UBE3D: variants seen among roughly 807,000 people sequenced by gnomAD.
The protein encoded by UBE3D is E3 ubiquitin-protein ligase E3D.
Under a neutral mutation model 49.6 loss-of-function variants are expected in UBE3D, and 48 were observed. The ratio of observed to expected loss-of-function variants is 0.97; its 90% CI spans 0.77 to 1.23. The LOEUF (loss-of-function observed/expected upper bound fraction) is 1.23. Ranked by LOEUF, UBE3D falls within the 50% of genes most tolerant of loss-of-function variation. The probability of loss-of-function intolerance (pLI) is 0.00; values close to 1 mark genes in which losing one functional copy is unlikely to be tolerated. For missense variants in UBE3D, 452 were observed against 468.4 expected, an observed-to-expected ratio of 0.96 and a Z score of 0.32; for synonymous variants, 189 against 174.2, an observed-to-expected ratio of 1.08 and a Z score of -0.67.
chr6:82,936,401 A>G (rs1468423043), intron 9 of UBE3D, among the ~76,000 whole-genome samples: 1 of 152,190 alleles, frequency 6.6e-6, no homozygotes, highest in East Asian at 1.9e-4. Flanking sequence ...GCCTTTACAA[A>G]TGATTTTCAA....
chr6:83,032,845 C>A (rs567046931), intron 5 of UBE3D, among the ~76,000 whole-genome samples: 216 of 152,268 alleles, frequency 1.4e-3, no homozygotes, highest in Non-Finnish European at 2.7e-3. Flanking sequence ...AGTTCCCCTG[C>A]ACATGCTCTG....
At chr6:83,030,573 A>G (rs1162232421) in intron 5 of UBE3D, among the ~76,000 whole-genome samples, 3 of 152,194 alleles carry the variant, frequency 2.0e-5, no homozygotes, top group African/African-American at 7.2e-5. Context: ...CTTTATTAGC[A>G]GCATGAGAAC....
rs184887614 is a variant in UBE3D at position 82,897,934 on chromosome 6, T to G, written c.1150-4892A>C. 6.3e-3 allele frequency among the ~76,000 whole-genome samples: 961 copies of G among 152,330 alleles called. 10 individuals carry two copies. The highest frequency in any genetic ancestry group is 0.022 in the African/African-American group (923 of 41,564). ...AGAAAATTTTTGCAATCTATCCATC[T>G]GACAAAGGACTAATATCCAGAATCT... On this transcript the variant is annotated intron_variant, in intron 9 of 9. Coordinates refer to ENST00000369747, the MANE Select transcript of UBE3D (RefSeq NM_198920.3).
intron 8 of UBE3D, among the ~76,000 whole-genome samples, chr6:82,976,693 C>T (rs1777740818): frequency 6.6e-6 from 1 of 152,178 alleles, no homozygotes; most frequent in Admixed American, 6.5e-5. Flanking sequence ...GTGTGCTTTA[C>T]ACTTACTCCT....
intron 5 of UBE3D, among the ~76,000 whole-genome samples, chr6:83,031,942 T>C (rs530335137): frequency 5.6e-4 from 85 of 152,278 alleles, no homozygotes; most frequent in Non-Finnish European, 9.8e-4. Flanking sequence ...GAGTTGAGGT[T>C]TGGGAACCTC....
At chr6:82,901,787 A>G (rs1375621964) in intron 9 of UBE3D, among the ~76,000 whole-genome samples, 1 of 152,208 alleles carries the variant, frequency 6.6e-6, no homozygotes, top group Non-Finnish European at 1.5e-5. Flanking sequence ...GAAAGAAACA[A>G]ATTATATCCA....
the UBE3D span, among the ~76,000 whole-genome samples, chr6:82,881,313 A>G: frequency 6.6e-6 from 1 of 152,176 alleles, no homozygotes; most frequent in East Asian, 1.9e-4. Flanking sequence ...GTAAGTTGGT[A>G]GTTGTGACAA....
chr6:82,912,043 C>T (rs1275496671), intron 9 of UBE3D, among the ~76,000 whole-genome samples: 1 of 152,104 alleles, frequency 6.6e-6, no homozygotes, highest in Admixed American at 6.6e-5. Flanking sequence ...CTCTTATTGA[C>T]CTACATTTTT....
In UBE3D at chr6:82,893,088, A is replaced by C. The variant is rs1311133817; in HGVS notation, c.1150-46T>G. 1.9e-6 allele frequency: 3 copies of C among 1,609,428 alleles called. No homozygotes were observed. The Admixed American group carries it at 5.0e-5, about 27-fold the overall frequency. ...CACAATGCTTTACTTCTATAATATGACAAAATGGCTGCATGTACATCAAAT... is the reference window on the plus strand; with the variant it reads ...CACAATGCTTTACTTCTATAATATGCCAAAATGGCTGCATGTACATCAAAT... On this transcript the variant is annotated intron_variant, in intron 9 of 9. Transcript: ENST00000369747.
At chr6:82,991,254 C>T (rs1197911547) in intron 8 of UBE3D, among the ~76,000 whole-genome samples, 1 of 152,164 alleles carries the variant, frequency 6.6e-6, no homozygotes, top group African/African-American at 2.4e-5. Flanking sequence ...CCAGCCCACA[C>T]TCAAGAAATT....
At chr6:82,950,451 T>G (rs1403190772) in intron 9 of UBE3D, among the ~76,000 whole-genome samples, 9 of 152,138 alleles carry the variant, frequency 5.9e-5, no homozygotes, top group Non-Finnish European at 1.2e-4. Context: ...AAGAACAGTT[T>G]GGAGGTTCCT....
chr6:83,039,196 C>A (rs1457184727), intron 4 of UBE3D, among the ~76,000 whole-genome samples: 1 of 152,184 alleles, frequency 6.6e-6, no homozygotes, highest in African/African-American at 2.4e-5. Flanking sequence ...TTCCTCTCGT[C>A]CAGATATACT....
At chr6:83,049,964 TA>T (rs1374664980) in intron 3 of UBE3D, among the ~76,000 whole-genome samples, 1 of 152,170 alleles carries the variant, frequency 6.6e-6, no homozygotes, top group African/African-American at 2.4e-5. Context: ...AAGAGCATAA[TA>T]AAAAATTACA....
chr6:82,978,974 A>G (rs948662807), intron 8 of UBE3D, among the ~76,000 whole-genome samples: 1 of 152,186 alleles, frequency 6.6e-6, no homozygotes, highest in East Asian at 1.9e-4. Flanking sequence ...TGGAAACTAA[A>G]TCAGTTGGAA....
intron 3 of UBE3D, among the ~76,000 whole-genome samples, chr6:83,051,138 T>C (rs1229479400): frequency 2.0e-5 from 3 of 152,204 alleles, no homozygotes; most frequent in Non-Finnish European, 4.4e-5. Context: ...CTATTACATA[T>C]GTTACATCCT....
chr6:83,041,210 T>G (rs1450714525), intron 4 of UBE3D, among the ~76,000 whole-genome samples: 1 of 152,202 alleles, frequency 6.6e-6, no homozygotes, highest in East Asian at 1.9e-4. Flanking sequence ...TGCTTTGATA[T>G]GTACTTCCTT....
intron 3 of UBE3D, among the ~76,000 whole-genome samples, chr6:83,053,558 A>T (rs2027580): frequency 0.037 from 5,614 of 152,254 alleles, 167 homozygotes; most frequent in African/African-American, 0.081. Context: ...ACTGTAAAAA[A>T]ACCCAAAAAC....
chr6:83,050,547 TCCTG>T (rs1223881497), intron 3 of UBE3D, among the ~76,000 whole-genome samples: 1 of 152,184 alleles, frequency 6.6e-6, no homozygotes, highest in Non-Finnish European at 1.5e-5. Context: ...CAAGGTACCT[TCCTG>T]GGAAATATGT....
intron 9 of UBE3D, among the ~76,000 whole-genome samples, chr6:82,946,677 T>A (rs1466451306): frequency 6.6e-6 from 1 of 151,816 alleles, no homozygotes; most frequent in Non-Finnish European, 1.5e-5. Context: ...GATTAACCAA[T>A]CAAAAATAAC....
Sources: gnomAD v4.1 joint callset for allele counts (sites outside exome capture counted in the v4.1 genomes callset) on GRCh38, gnomAD v4.1.1 for gene constraint, MANE v1.5 for transcripts, NCBI Gene and HGNC (gene_info 2026-07-23, HGNC 2026-07-21) for gene names.